The following GARNL3 variants were observed in gnomAD, a reference collection of about 807,000 sequenced individuals.
GARNL3 encodes GTPase-activating Rap/Ran-GAP domain-like protein 3.
In GARNL3, 63 loss-of-function variants were observed where a neutral mutation model predicts 125.0. The observed-to-expected ratio is 0.50, with a 90% CI of 0.41 to 0.62. The LOEUF is 0.62. Ranked by LOEUF, GARNL3 falls within the 20% of genes least tolerant of loss-of-function variation. The pLI is 0.00. For missense variants in GARNL3, 994 were observed against 1,244.0 expected (o/e 0.80, Z 3.02); for synonymous variants, 439 against 457.5 (o/e 0.96, Z 0.52).
chr9:127,348,293 C>G (rs62579672), intron 16 of GARNL3, among the ~76,000 whole-genome samples: 35,169 of 152,176 alleles, frequency 0.23, 5,006 homozygotes, highest in Middle Eastern at 0.39. Context: ...AAGGCTCCCC[C>G]TTTATGCCTG....
rs117713538 is a variant in GARNL3, at chr9:127,390,945, C to A, written c.2870+178C>A. On this transcript the variant is annotated intron_variant, in intron 27 of 27. Coordinates refer to ENST00000373387, the MANE Select transcript of GARNL3 (RefSeq NM_032293.5). Reference sequence around the variant, plus strand: ...ACCCTCAGGCCTGCCAGGGAGGGATCTAGACAAATGGGCACACTTACCAGC... The same window carrying A: ...ACCCTCAGGCCTGCCAGGGAGGGATATAGACAAATGGGCACACTTACCAGC... Among the ~76,000 whole-genome samples, 123 of 152,294 alleles carry A rather than the reference C, an allele frequency of 8.1e-4. 1 individual carries two copies. In the East Asian group the frequency reaches 0.01, roughly 12 times the overall value.
Position 127,381,704 on chromosome 9 carries a change from C to T in GARNL3, c.2162-1734C>T, listed in dbSNP as rs540064819. The stretch of plus-strand genomic sequence containing the variant: ...CTCCGCCTCCCGGGTTCACACCATT[C>T]TCCTGCCTCAGCCTCCTGAGTAGCT... On this transcript the variant is annotated intron_variant, in intron 22 of 27. Transcript: ENST00000373387. 3.9e-5 allele frequency among the ~76,000 whole-genome samples: 6 copies of T among 152,136 alleles called. No individual in the cohort carries two copies. The East Asian group carries it at 1.2e-3, about 29-fold the overall frequency.
chr9:127,309,597 T>C (rs1287536207), intron 2 of GARNL3, among the ~76,000 whole-genome samples: 4 of 152,202 alleles, frequency 2.6e-5, no homozygotes, highest in African/African-American at 9.6e-5. Context: ...ATTAAAAGAA[T>C]ACTATACCAT....
chr9:127,235,259 G>A (rs2063090880), intron 1 of GARNL3, among the ~76,000 whole-genome samples: 1 of 151,454 alleles, frequency 6.6e-6, no homozygotes, highest in East Asian at 1.9e-4. Flanking sequence ...CACATTTTAA[G>A]TGCTGAGTAG....
chr9:127,292,735 C>T (rs149373385), intron 2 of GARNL3, among the ~76,000 whole-genome samples: 18 of 152,336 alleles, frequency 1.2e-4, no homozygotes, highest in Admixed American at 1.0e-3. Flanking sequence ...GGCAGTCAAA[C>T]ACTGCTCACC....
intron 1 of GARNL3, among the ~76,000 whole-genome samples, chr9:127,288,490 A>C (rs1193401411): frequency 3.3e-5 from 5 of 152,176 alleles, no homozygotes; most frequent in Admixed American, 1.3e-4. Context: ...GTATAGACTC[A>C]GTAGGAGGTG....
At chr9:127,262,296 T>C (rs2063610366), upstream of GARNL3, among the ~76,000 whole-genome samples, 1 of 152,216 alleles carries the variant, frequency 6.6e-6, no homozygotes, top group Non-Finnish European at 1.5e-5. Context: ...AGATGTTTTT[T>C]GTGGTGTAGC....
At chr9:127,285,170 G>T (rs1394835194) in intron 1 of GARNL3, among the ~76,000 whole-genome samples, 5 of 152,160 alleles carry the variant, frequency 3.3e-5, no homozygotes, top group Non-Finnish European at 7.4e-5. Flanking sequence ...CAGACATGGT[G>T]GCTCATGCCT....
chr9:127,392,988 T>G lies in GARNL3; in HGVS notation c.2871-95T>G. On this transcript the variant is annotated intron_variant, in intron 27 of 27. Transcript: ENST00000373387. The surrounding 1 kb of genome is among the most constrained non-coding windows in gnomAD (Gnocchi z 5.2). ...ACAGTGAGGGTTTGGTGAGCCAAACTCATGAGCTCAGATGAGCAGGAAATT... is the reference window on the plus strand; with the variant it reads ...ACAGTGAGGGTTTGGTGAGCCAAACGCATGAGCTCAGATGAGCAGGAAATT... 1.9e-6 allele frequency: 2 copies of G among 1,039,234 alleles called. No individual in the cohort carries two copies. The highest frequency in any genetic ancestry group is 2.2e-5 in the Admixed American group (1 of 44,458). 64.4% of individuals were successfully genotyped at this position (1,039,234 alleles called of 1,614,324 possible).
intron 22 of GARNL3, among the ~76,000 whole-genome samples, chr9:127,368,172 T>G (rs1157223949): frequency 1.3e-5 from 2 of 150,132 alleles, no homozygotes; most frequent in South Asian, 4.2e-4. Flanking sequence ...ATCCACAAGG[T>G]TGAAGAGGAG....
At chr9:127,252,918 C>T (rs1318777598) in intron 2 of GARNL3, among the ~76,000 whole-genome samples, 3 of 152,178 alleles carry the variant, frequency 2.0e-5, no homozygotes, top group African/African-American at 7.2e-5. Context: ...TCATCGTGAA[C>T]TGACAGCTAG....
At chr9:127,230,189 C>T (rs1479379870) in intron 1 of GARNL3, among the ~76,000 whole-genome samples, 1 of 152,250 alleles carries the variant, frequency 6.6e-6, no homozygotes, top group Non-Finnish European at 1.5e-5. Flanking sequence ...TGTCTTTTCA[C>T]TCACCACTTG....
At chr9:127,390,481 A>G (rs990336468) in intron 26 of GARNL3, among the ~76,000 whole-genome samples, 160 bp from the exon 27 acceptor site, 4 of 152,198 alleles carry the variant, frequency 2.6e-5, no homozygotes, top group East Asian at 1.9e-4. Flanking sequence ...ACCTTCTACC[A>G]ACCAGAAAAC....
Position 127,357,397 on chromosome 9 carries a change from G to A in GARNL3, c.2094+20G>A. The stretch of plus-strand genomic sequence containing the variant: ...AACAGGGTAAGCCAGCGGTTGTGGG[G>A]ACAAGTGAGAATCAGAAAAGAGTAA... On this transcript the variant is annotated intron_variant, in intron 21 of 27. Coordinates refer to ENST00000373387, the MANE Select transcript of GARNL3 (RefSeq NM_032293.5). 2 of 1,611,050 alleles carry A rather than the reference G, an allele frequency of 1.2e-6. No individual in the cohort carries two copies. The highest frequency in any genetic ancestry group is 1.7e-6 in the Non-Finnish European group (2 of 1,178,952).
chr9:127,231,874 G>A (rs1271890382), intron 1 of GARNL3, among the ~76,000 whole-genome samples: 1 of 152,186 alleles, frequency 6.6e-6, no homozygotes, highest in Admixed American at 6.5e-5. Flanking sequence ...TGATTCACAA[G>A]GTCATCAGTG....
Position 127,313,524 on chromosome 9 carries a change from G to A in GARNL3, c.403G>A (p.Val135Ile), listed in dbSNP as rs181883264. 27 of 1,613,898 alleles carry A rather than the reference G, an allele frequency of 1.7e-5. No individual in the cohort carries two copies. The East Asian group carries it at 5.3e-4, about 32-fold the overall frequency. ...VTLSDQNNQRVPQYRAILWRK... is the reference protein window; with the variant it reads ...VTLSDQNNQRIPQYRAILWRK... ...CCTTTCTGACCAAAACAATCAACGT[G>A]TCCCTCAATACCGTGCAATTCTTTG... The change falls in exon 4 of 28, where the codon GTC (valine) becomes ATC (isoleucine). Residue 135 changes from valine (V) to isoleucine (I), a missense_variant. Physicochemically the swap from Val to Ile is conservative, Grantham distance 29 (BLOSUM62 3). This residue lies in a region of GARNL3 where 139 missense variants were observed against 231.6 expected (regional missense o/e 0.60). Transcript: ENST00000373387.
At chr9:127,320,636 G>A in intron 5 of GARNL3, 79 bp from the exon 6 acceptor site, 1 of 960,428 alleles carries the variant, frequency 1.0e-6, no homozygotes, top group Non-Finnish European at 1.6e-6. Context: ...AGGCCCTTTA[G>A]GGAAAACAGC....
At chr9:127,345,140 G>A (rs988877800) in intron 15 of GARNL3, among the ~76,000 whole-genome samples, 2 of 152,010 alleles carry the variant, frequency 1.3e-5, no homozygotes, top group African/African-American at 4.8e-5. Context: ...ATTTTTTCAA[G>A]CTCATGGTTT....
intron 22 of GARNL3, among the ~76,000 whole-genome samples, chr9:127,381,826 C>T (rs1444899926): frequency 1.3e-5 from 2 of 151,178 alleles, no homozygotes; most frequent in Non-Finnish European, 2.9e-5. Context: ...AGGATGGTCT[C>T]GATCTCCTGA....
Sources: gnomAD v4.1 joint callset for allele counts (sites outside exome capture counted in the v4.1 genomes callset) on GRCh38, gnomAD v4.1.1 for gene constraint, gnomAD v4.1.1 regional missense constraint, Gnocchi (gnomAD v3.1) non-coding constraint, MANE v1.5 for transcripts, NCBI Gene and HGNC (gene_info 2026-07-23, HGNC 2026-07-21) for gene names.